The following PATE2 variants were observed in gnomAD, a reference collection of about 807,000 sequenced individuals.
PATE2 encodes prostate and testis expressed 2.
A neutral mutation model predicts 10.5 loss-of-function variants in PATE2; 7 were observed. That is an observed-to-expected ratio of 0.66 (90% confidence interval 0.38 to 1.25). PATE2 has a LOEUF of 1.25. Among genes scored for constraint, PATE2 ranks in the 50% most tolerant of loss-of-function variants. The pLI, the probability that PATE2 is intolerant of heterozygous loss-of-function variation, is 0.02. For synonymous variants in PATE2, 44 were observed against 46.9 expected (o/e 0.94, Z 0.25); for missense variants, 133 against 135.4 (o/e 0.98, Z 0.09).
chr11:125,778,385 T>C (rs1486024208), intron 2 of PATE2, among the ~76,000 whole-genome samples, 167 bp downstream of exon 2: 1 of 152,056 alleles, frequency 6.6e-6, no homozygotes, highest in African/African-American at 2.4e-5. Flanking sequence ...GATCTTAGCC[T>C]CCTTACTCTA....
intron 1 of PATE2, 59 bp downstream of exon 1, chr11:125,778,663 C>T (rs1943510001): frequency 6.2e-7 from 1 of 1,612,372 alleles, no homozygotes; most frequent in Middle Eastern, 1.7e-4. Context: ...TTTCTCTTCC[C>T]CCAGCATCTG....
chr11:125,778,623 G>C, intron 1 of PATE2, 48 bp from the exon 2 acceptor site: 1 of 1,610,638 alleles, frequency 6.2e-7, no homozygotes, highest in African/African-American at 1.3e-5. Context: ...ACATACATCT[G>C]CCACTGCCCC....
chr11:125,777,522 A>T lies in PATE2; in HGVS notation c.206-4T>A, dbSNP rs1164197978. On this transcript the variant is annotated splice_region_variant and splice_polypyrimidine_tract_variant and intron_variant, in intron 3 of 3. Transcript: ENST00000358524. ...GAATAATGATACATGCTCTGCCCTG[A>T]GGAGGTAAAAGAGAGGAAATATGAT... The T allele has an allele frequency of 1.2e-6, 2 of 1,613,322 alleles. No homozygotes were observed. Among genetic ancestry groups the T allele is most frequent in the East Asian group, 2.2e-5 (1 of 44,878 alleles).
intron 2 of PATE2, among the ~76,000 whole-genome samples, chr11:125,778,252 CA>C (rs1252900744): frequency 9.2e-5 from 14 of 152,216 alleles, no homozygotes; most frequent in African/African-American, 3.4e-4. Flanking sequence ...AAACATAAAT[CA>C]AACACTGTAT....
rs1943485064 is a variant in PATE2 at position 125,776,515 on chromosome 11, A to C, written c.*867T>G. On this transcript the variant is annotated 3_prime_UTR_variant, in exon 4 of 4. Transcript: ENST00000358524. ...CTCATAACTTCCTCTTACACAGGGC[A>C]CTCTGTTACTTGAACACTACCTCAT... 1 of 152,144 alleles carries C rather than the reference A, an allele frequency of 6.6e-6. No homozygotes were observed. The highest frequency in any genetic ancestry group is 1.9e-4 in the East Asian group (1 of 5,158). The allele number at this position is 152,144 out of a possible 1,614,324, so 9.4% of individuals were successfully genotyped here. A position where few individuals can be genotyped will look rare whatever the true frequency, so the allele number is the denominator to read the frequency against.
chr11:125,778,438 G>T, intron 2 of PATE2, 114 bp downstream of exon 2: 1 of 1,184,012 alleles, frequency 8.4e-7, no homozygotes, highest in Non-Finnish European at 1.2e-6. Context: ...AAACCCCTAG[G>T]ATTCTATAAT....
At chr11:125,777,732 G>C in intron 3 of PATE2, 142 bp downstream of exon 3, 1 of 1,205,408 alleles carries the variant, frequency 8.3e-7, no homozygotes, top group East Asian at 2.5e-5. Flanking sequence ...TGGTCTTAGG[G>C]AAAAGTCTGT....
At position 125,777,856 on chromosome 11, in the gene PATE2, C is replaced by G. The variant is rs755193378; in HGVS notation, c.205+18G>C. On this transcript the variant is annotated intron_variant, in intron 3 of 3. Coordinates refer to ENST00000358524, the MANE Select transcript of PATE2 (RefSeq NM_212555.3). ...GATGGTGGTGGTGATTTTCCAGTCA[C>G]TCTATACTCCACATTACCTTTCCTT... The G allele has an allele frequency of 5.6e-6, 9 of 1,612,018 alleles. 1 individual carries two copies. The South Asian group carries it at 9.9e-5, about 18-fold the overall frequency.
chr11:125,777,804 G>C, intron 3 of PATE2, 70 bp downstream of exon 3: 1 of 1,565,952 alleles, frequency 6.4e-7, no homozygotes, highest in East Asian at 2.3e-5. Flanking sequence ...TCACGCTGAG[G>C]GCAAAAGAAC....
Position 125,777,381 on chromosome 11 carries a change from A to G in PATE2, c.*1T>C. On this transcript the variant is annotated 3_prime_UTR_variant, in exon 4 of 4. Transcript: ENST00000358524. ...ACCCAAAATCCAGGAGAGACGTAGA[A>G]CTAAACTCCCTCAGGGAGGTTGCAG... 6.2e-7 allele frequency: 1 copy of G among 1,613,314 alleles called. No homozygotes were observed. The highest frequency in any genetic ancestry group is 8.5e-7 in the Non-Finnish European group (1 of 1,179,544).
chr11:125,778,485 A>G, intron 2 of PATE2, 67 bp downstream of exon 2: 1 of 1,525,990 alleles, frequency 6.6e-7, no homozygotes, highest in South Asian at 1.1e-5. Flanking sequence ...GATGAAGGAA[A>G]GGTTTGCTCC....
chr11:125,777,860 A>G lies in PATE2; in HGVS notation c.205+14T>C, dbSNP rs781416387. ...GTGGTGGTGATTTTCCAGTCACTCT[A>G]TACTCCACATTACCTTTCCTTGTAA... is the stretch of plus-strand genomic sequence containing the variant. On this transcript the variant is annotated intron_variant, in intron 3 of 3. Coordinates refer to ENST00000358524, the MANE Select transcript of PATE2 (RefSeq NM_212555.3). The G allele has an allele frequency of 5.0e-6, 8 of 1,612,364 alleles. No homozygotes were observed. The highest frequency in any genetic ancestry group is 1.7e-5 in the Admixed American group (1 of 59,788).
intron 3 of PATE2, 44 bp downstream of exon 3, chr11:125,777,830 G>T (rs1297812781): frequency 6.2e-7 from 1 of 1,602,722 alleles, no homozygotes; most frequent in African/African-American, 1.3e-5. Flanking sequence ...TGTTTCTCAG[G>T]GATGGTGGTG....
intron 2 of PATE2, 92 bp from the exon 3 acceptor site, chr11:125,778,094 A>C: frequency 7.2e-7 from 1 of 1,394,088 alleles, no homozygotes; most frequent in East Asian, 2.3e-5. Context: ...ATTCTTGCCT[A>C]GTGGTTCCTA....
At position 125,777,075 on chromosome 11, in the gene PATE2, T is replaced by C. The variant is rs1943491365; in HGVS notation, c.*307A>G. On this transcript the variant is annotated 3_prime_UTR_variant, in exon 4 of 4. Transcript: ENST00000358524. ...TTGGAGATTATTATGGCCCAAGTGT[T>C]CACATTTTCATACAGGAGATAATAA... 3.9e-5 allele frequency: 10 copies of C among 254,332 alleles called. No homozygotes were observed. Among genetic ancestry groups the C allele is most frequent in the Admixed American group, 9.5e-5 (2 of 21,058 alleles). 15.8% of individuals were successfully genotyped at this position (254,332 alleles called of 1,614,324 possible).
At position 125,777,044 on chromosome 11, in the gene PATE2, T is replaced by TAAAAAAAAAA; in HGVS notation, c.*337_*338insTTTTTTTTTT. 2 of 213,790 alleles carry TAAAAAAAAAA rather than the reference T, an allele frequency of 9.4e-6. No homozygotes were observed. The highest frequency in any genetic ancestry group is 1.9e-5 in the Non-Finnish European group (2 of 105,176). 13.2% of individuals were successfully genotyped at this position (213,790 alleles called of 1,614,324 possible). On this transcript the variant is annotated 3_prime_UTR_variant, in exon 4 of 4. Coordinates refer to ENST00000358524, the MANE Select transcript of PATE2 (RefSeq NM_212555.3). ...TAGAGGATAGTCACAGAATTCTCAG[T>TAAAAAAAAAA]ACAAATTGGAGATTATTATGGCCCA... is the stretch of plus-strand genomic sequence containing the variant.
chr11:125,778,627 C>A, intron 1 of PATE2, 52 bp from the exon 2 acceptor site: 1 of 1,611,436 alleles, frequency 6.2e-7, no homozygotes, highest in Non-Finnish European at 8.5e-7. Context: ...ACATCTGCCA[C>A]TGCCCCAAGA....
In PATE2 at chr11:125,777,517, C is replaced by A. The variant is rs773826044; in HGVS notation, c.207G>T (p.Gly69=). Residue 69 remains glycine (G), a splice_region_variant and synonymous_variant, in exon 4 of 4, where the codon GGG becomes GGT. Transcript: ENST00000358524. The part of the protein sequence containing the change: ...VENFYILTRK[G]QSMYHYSKLS... ...GTTTTGAATAATGATACATGCTCTG[C>A]CCTGAGGAGGTAAAAGAGAGGAAAT... is the stretch of plus-strand genomic sequence containing the variant. The A allele has an allele frequency of 1.3e-5, 21 of 1,613,508 alleles. No homozygotes were observed. The highest frequency in any genetic ancestry group is 1.8e-5 in the Non-Finnish European group (21 of 1,179,676).
chr11:125,778,570 G>A lies in PATE2; in HGVS notation c.58C>T (p.Leu20Phe). The change falls in exon 2 of 4, where the codon CTT (leucine) becomes TTT (phenylalanine). Residue 20 changes from leucine (L) to phenylalanine (F), a missense_variant. Transcript: ENST00000358524. ...ATTGTACCTTTTATAGGGTCATGAA[G>A]TTCACCTGTGAAAAGAAGAAAAACC... is the stretch of plus-strand genomic sequence containing the variant. ...VFLLCPYWGE[L>F]HDPIKATEIM... is the part of the protein sequence containing the mutation. The A allele has an allele frequency of 1.2e-6, 2 of 1,613,538 alleles. No homozygotes were observed. Among genetic ancestry groups the A allele is most frequent in the Non-Finnish European group, 1.7e-6 (2 of 1,179,598 alleles).
Sources: allele counts gnomAD v4.1 joint callset (sites outside exome capture counted in the v4.1 genomes callset), GRCh38; gene constraint gnomAD v4.1.1; transcripts MANE v1.5; gene names NCBI Gene and HGNC (gene_info 2026-07-23, HGNC 2026-07-21).